GPC5: variants seen among roughly 807,000 people sequenced by gnomAD.
GPC5 encodes glypican 5.
Under a neutral mutation model 53.9 loss-of-function variants are expected in GPC5, and 47 were observed. The observed-to-expected ratio is 0.87, with a 90% confidence interval of 0.69 to 1.11. The LOEUF is 1.11. GPC5 is among the 50% of genes most tolerant of loss of function. The probability of loss-of-function intolerance (pLI) is 0.00; values close to 1 mark genes in which losing one functional copy is unlikely to be tolerated. For missense variants in GPC5, 748 were observed against 713.1 expected (o/e 1.05, Z -0.56); for synonymous variants, 286 against 263.3 (o/e 1.09, Z -0.84).
intron 6 of GPC5, among the ~76,000 whole-genome samples, chr13:92,059,293 C>T (rs1024961271): frequency 6.6e-6 from 1 of 152,026 alleles, no homozygotes; most frequent in Non-Finnish European, 1.5e-5. Flanking sequence ...CAAAATTTCT[C>T]AAACAAATTT....
chr13:92,192,468 G>A (rs9560970), intron 7 of GPC5, among the ~76,000 whole-genome samples: 1,530 of 152,198 alleles, frequency 0.01, 19 homozygotes, highest in South Asian at 0.044. Context: ...TATGGACTAG[G>A]TTTAGTAAGT....
intron 6 of GPC5, among the ~76,000 whole-genome samples, chr13:92,003,233 A>T (rs960851520): frequency 2.6e-5 from 4 of 151,762 alleles, no homozygotes; most frequent in African/African-American, 4.8e-5. Flanking sequence ...AGGCAGGAGA[A>T]TAGCTTGAAT....
chr13:92,800,826 T>A (rs1876874511), intron 7 of GPC5, among the ~76,000 whole-genome samples: 1 of 151,856 alleles, frequency 6.6e-6, no homozygotes, highest in Admixed American at 6.6e-5. Context: ...TGTTGTTTGT[T>A]ACCTTGACGG....
At chr13:91,657,567 C>T (rs1208256590) in intron 2 of GPC5, among the ~76,000 whole-genome samples, 1 of 151,968 alleles carries the variant, frequency 6.6e-6, no homozygotes, top group Non-Finnish European at 1.5e-5. Context: ...AAAAAATTAT[C>T]CCACCCAAAA....
chr13:92,240,230 A>T (rs2042601611), intron 7 of GPC5: 1 of 151,862 alleles, frequency 6.6e-6, no homozygotes, highest in African/African-American at 2.4e-5. Context: ...CTGACTAAAA[A>T]TATGAACCGT....
intron 2 of GPC5, among the ~76,000 whole-genome samples, chr13:91,468,356 A>G (rs987547475): frequency 4.6e-4 from 70 of 152,282 alleles, no homozygotes; most frequent in African/African-American, 1.5e-3. Context: ...CTTCACCTCC[A>G]GTACTTCATA....
chr13:92,466,158 C>A (rs1878682521), intron 7 of GPC5, among the ~76,000 whole-genome samples: 1 of 145,822 alleles, frequency 6.9e-6, no homozygotes. Flanking sequence ...TCATATTATA[C>A]CCCATAAATA....
intron 5 of GPC5, among the ~76,000 whole-genome samples, chr13:91,803,473 ATGTG>A (rs2038167906): frequency 6.6e-6 from 1 of 152,114 alleles, no homozygotes; most frequent in African/African-American, 2.4e-5. Context: ...ATACGTATGT[ATGTG>A]TGTATGTATT....
In GPC5 at chr13:92,627,432, G is replaced by A. The variant is rs112656668; in HGVS notation, c.1562-238850G>A. Among the ~76,000 whole-genome samples, 796 of 152,250 alleles carry A rather than the reference G, an allele frequency of 5.2e-3. 10 individuals carry two copies. The highest frequency in any genetic ancestry group is 0.019 in the African/African-American group (772 of 41,550). ...CATCAAGTTTCATCCCTTAGCCACCGTGCTTTTGGGGTAATCAGTGGTCAG... is the reference window on the plus strand; with the variant it reads ...CATCAAGTTTCATCCCTTAGCCACCATGCTTTTGGGGTAATCAGTGGTCAG... On this transcript the variant is annotated intron_variant, in intron 7 of 7. Transcript: ENST00000377067.
chr13:91,643,880 C>T (rs1435465462), intron 2 of GPC5, among the ~76,000 whole-genome samples: 3 of 152,024 alleles, frequency 2.0e-5, no homozygotes, highest in Admixed American at 6.6e-5. Context: ...ATTTTGTTTT[C>T]AATGACCCTG....
intron 6 of GPC5, among the ~76,000 whole-genome samples, chr13:92,024,779 G>T (rs2040787435): frequency 6.6e-6 from 1 of 152,060 alleles, no homozygotes; most frequent in Admixed American, 6.6e-5. Flanking sequence ...GATTTAATCT[G>T]CTGTAATACA....
intron 7 of GPC5, among the ~76,000 whole-genome samples, chr13:92,541,884 T>G (rs1881942051): frequency 6.6e-6 from 1 of 151,986 alleles, no homozygotes; most frequent in African/African-American, 2.4e-5. Flanking sequence ...GACATTATTT[T>G]TTTTACTTCA....
At chr13:92,544,662 C>A (rs1882042675) in intron 7 of GPC5, among the ~76,000 whole-genome samples, 1 of 151,956 alleles carries the variant, frequency 6.6e-6, no homozygotes, top group Non-Finnish European at 1.5e-5. Flanking sequence ...TAATCTAGGG[C>A]CAATTTTTTT....
chr13:92,566,814 G>A (rs910112372), intron 7 of GPC5, among the ~76,000 whole-genome samples: 2 of 151,946 alleles, frequency 1.3e-5, no homozygotes, highest in African/African-American at 4.8e-5. Context: ...GAGCTAAATA[G>A]CATAATGCCA....
chr13:92,860,220 T>C (rs1879134963), intron 7 of GPC5, among the ~76,000 whole-genome samples: 1 of 152,108 alleles, frequency 6.6e-6, no homozygotes, highest in Non-Finnish European at 1.5e-5. Flanking sequence ...CTATAAAACA[T>C]TAAGATCAAA....
At chr13:92,258,729 A>G (rs2042744542) in intron 7 of GPC5, among the ~76,000 whole-genome samples, 1 of 152,182 alleles carries the variant, frequency 6.6e-6, no homozygotes, top group African/African-American at 2.4e-5. Context: ...ACACTAACAT[A>G]AATCAATTTT....
At chr13:92,269,083 T>A (rs1427114263) in intron 7 of GPC5, among the ~76,000 whole-genome samples, 1 of 152,098 alleles carries the variant, frequency 6.6e-6, no homozygotes, top group Non-Finnish European at 1.5e-5. Flanking sequence ...GTAGACGTTA[T>A]TCATAATTAC....
chr13:91,789,128 G>A (rs2037923998), intron 5 of GPC5, among the ~76,000 whole-genome samples: 1 of 152,028 alleles, frequency 6.6e-6, no homozygotes, highest in Admixed American at 6.6e-5. Flanking sequence ...CAGGAGAATC[G>A]CTTGAACCCG....
intron 6 of GPC5, among the ~76,000 whole-genome samples, chr13:92,134,089 G>T (rs1459990606): frequency 1.3e-5 from 2 of 152,128 alleles, no homozygotes; most frequent in Non-Finnish European, 2.9e-5. Context: ...TTAATAGAAT[G>T]CTGATTCAAC....
Sources: allele counts gnomAD v4.1 joint callset (sites outside exome capture counted in the v4.1 genomes callset), GRCh38; gene constraint gnomAD v4.1.1; transcripts MANE v1.5; gene names NCBI Gene and HGNC (gene_info 2026-07-23, HGNC 2026-07-21).